The following PDZRN4 variants were observed in gnomAD, a reference collection of about 807,000 sequenced individuals.
PDZRN4 encodes PDZ domain-containing RING finger protein 4.
In PDZRN4, 70 loss-of-function variants were observed where a neutral mutation model predicts 99.0. The ratio of observed to expected loss-of-function variants is 0.71; its 90% CI spans 0.58 to 0.86. The LOEUF is 0.86. PDZRN4 is among the 40% of genes least tolerant of loss of function. The pLI is 0.00. For synonymous variants in PDZRN4, 551 were observed against 501.6 expected (o/e 1.10, Z -1.32); for missense variants, 1,474 against 1,331.2 (o/e 1.11, Z -1.67).
At chr12:41,408,344 T>C (rs1952364630) in intron 3 of PDZRN4, among the ~76,000 whole-genome samples, 1 of 152,220 alleles carries the variant, frequency 6.6e-6, no homozygotes, top group Non-Finnish European at 1.5e-5. Flanking sequence ...GTAAATTGCT[T>C]TCCTTTTAGC....
intron 3 of PDZRN4, among the ~76,000 whole-genome samples, chr12:41,295,436 C>A (rs961419257): frequency 2.0e-5 from 3 of 151,662 alleles, no homozygotes; most frequent in African/African-American, 7.3e-5. Context: ...ATTTTGAAGG[C>A]ATTTTTTTTT....
chr12:41,523,595 T>C (rs1459005320), intron 5 of PDZRN4, among the ~76,000 whole-genome samples: 1 of 152,072 alleles, frequency 6.6e-6, no homozygotes, highest in Admixed American at 6.6e-5. Flanking sequence ...GGCAACAACA[T>C]GGTGCCACTG....
At chr12:41,191,224 A>G (rs1424851073) in intron 1 of PDZRN4, among the ~76,000 whole-genome samples, 1 of 152,174 alleles carries the variant, frequency 6.6e-6, no homozygotes, top group East Asian at 1.9e-4. Flanking sequence ...CCATTTAGTA[A>G]TTTTTGAAAA....
At position 41,509,915 on chromosome 12, in the gene PDZRN4, T is replaced by A. The variant is rs754256207; in HGVS notation, c.1203+2T>A. 1.4e-6 allele frequency: 2 copies of A among 1,413,496 alleles called. No individual in the cohort carries two copies. Among genetic ancestry groups the A allele is most frequent in the Non-Finnish European group, 2.0e-6 (2 of 1,006,796 alleles). The allele number at this position is 1,413,496 out of a possible 1,614,324, so 87.6% of individuals were successfully genotyped here. A position where few individuals can be genotyped will look rare whatever the true frequency, so the allele number is the denominator to read the frequency against. Reference sequence around the variant, plus strand: ...AGAACAGAAGACTTTGAATATGAGGTAAGGTCATTTTCATACCACTTCACA... The same window carrying A: ...AGAACAGAAGACTTTGAATATGAGGAAAGGTCATTTTCATACCACTTCACA... On this transcript the variant is annotated splice_donor_variant, in intron 5 of 9. Coordinates refer to ENST00000402685, the MANE Select transcript of PDZRN4 (RefSeq NM_001164595.2). LOFTEE classifies it high-confidence loss of function.
At chr12:41,460,055 T>C in intron 3 of PDZRN4, 10 of 1,284,940 alleles carry the variant, frequency 7.8e-6, no homozygotes, top group Non-Finnish European at 7.1e-6. Flanking sequence ...TTCATTAAGC[T>C]CCTTGTGAAT....
At chr12:41,543,900 C>T (rs537392392) in intron 5 of PDZRN4, among the ~76,000 whole-genome samples, 2 of 152,166 alleles carry the variant, frequency 1.3e-5, no homozygotes, top group South Asian at 4.2e-4. Context: ...GATCACAAGC[C>T]CAGCCCTGGA....
chr12:41,261,744 C>T (rs1951241637), intron 3 of PDZRN4, among the ~76,000 whole-genome samples: 1 of 152,178 alleles, frequency 6.6e-6, no homozygotes, highest in Admixed American at 6.5e-5. Flanking sequence ...CCTCCTCGGC[C>T]TCCCAAAATG....
chr12:41,550,685 A>G (rs1490739176), intron 5 of PDZRN4, among the ~76,000 whole-genome samples: 1 of 152,194 alleles, frequency 6.6e-6, no homozygotes, highest in Non-Finnish European at 1.5e-5. Context: ...TCAGAAAGTC[A>G]GCATTCTTCA....
At chr12:41,470,457 C>A (rs1952976365) in intron 3 of PDZRN4, among the ~76,000 whole-genome samples, 1 of 151,962 alleles carries the variant, frequency 6.6e-6, no homozygotes, top group East Asian at 1.9e-4. Flanking sequence ...CAGGTTCCTT[C>A]CATCTACCTC....
At chr12:41,382,221 G>T (rs1053094859) in intron 3 of PDZRN4, among the ~76,000 whole-genome samples, 4 of 152,190 alleles carry the variant, frequency 2.6e-5, no homozygotes, top group African/African-American at 9.6e-5. Flanking sequence ...AAGTAGTGCT[G>T]CTGGCTTCTT....
In PDZRN4 at chr12:41,378,520, A is replaced by ATTTTTTTTTTTTTTT. The variant is rs71081733; in HGVS notation, c.844-127931_844-127917dup. Among the ~76,000 whole-genome samples, 271 of 102,776 alleles carry ATTTTTTTTTTTTTTT rather than the reference A, an allele frequency of 2.6e-3. 22 individuals carry two copies. Among genetic ancestry groups the ATTTTTTTTTTTTTTT allele is most frequent in the African/African-American group, 8.9e-3 (239 of 26,706 alleles). 67.4% of individuals were successfully genotyped at this position (102,776 alleles called of 152,430 possible). A position where few individuals can be genotyped will look rare whatever the true frequency, so the allele number is the denominator to read the frequency against. ...TTTGGAAGTGCTCCTTCTGTCTTCA[A>ATTTTTTTTTTTTTTT]TTTTTTTTTTTTTTTTTTTGAGACA... On this transcript the variant is annotated intron_variant, in intron 3 of 9. Coordinates refer to ENST00000402685, the MANE Select transcript of PDZRN4 (RefSeq NM_001164595.2).
At chr12:41,322,487 C>CTTTTT (rs71081724) in intron 3 of PDZRN4, among the ~76,000 whole-genome samples, 4,511 of 90,968 alleles carry the variant, frequency 0.05, 274 homozygotes, top group East Asian at 0.084. Context: ...ATTTTCTTTC[C>CTTTTT]TTTTTTTTTT....
intron 3 of PDZRN4, among the ~76,000 whole-genome samples, chr12:41,383,054 G>T (rs1952138503): frequency 6.6e-6 from 1 of 152,130 alleles, no homozygotes; most frequent in Admixed American, 6.5e-5. Context: ...CCATTTTTAT[G>T]ATATTATGAT....
chr12:41,302,375 C>T (rs1192920941), intron 3 of PDZRN4, among the ~76,000 whole-genome samples: 1 of 152,024 alleles, frequency 6.6e-6, no homozygotes, highest in East Asian at 1.9e-4. Flanking sequence ...GCTTCTTGTG[C>T]ATTTTGTTCA....
At chr12:41,286,003 A>T (rs1951419854) in intron 3 of PDZRN4, among the ~76,000 whole-genome samples, 1 of 152,092 alleles carries the variant, frequency 6.6e-6, no homozygotes, top group South Asian at 2.1e-4. Context: ...AGTATAATTT[A>T]AAAAAGAGAA....
chr12:41,379,432 C>T, intron 3 of PDZRN4, among the ~76,000 whole-genome samples: 2 of 149,480 alleles, frequency 1.3e-5, no homozygotes, highest in Admixed American at 6.7e-5. Context: ...TGTTCTTTTT[C>T]TAGTTTTGTA....
At chr12:41,416,691 G>A (rs767964630) in intron 3 of PDZRN4, among the ~76,000 whole-genome samples, 24 of 152,096 alleles carry the variant, frequency 1.6e-4, no homozygotes, top group Non-Finnish European at 2.4e-4. Context: ...TACTTTTCTC[G>A]ACATTTATTT....
intron 3 of PDZRN4, among the ~76,000 whole-genome samples, chr12:41,460,632 G>A (rs945538814): frequency 2.2e-4 from 33 of 152,266 alleles, no homozygotes; most frequent in South Asian, 6.2e-4. Flanking sequence ...AAGTTGTGAC[G>A]TATTTTGCAA....
intron 3 of PDZRN4, among the ~76,000 whole-genome samples, chr12:41,282,552 A>G (rs1243959097): frequency 2.0e-5 from 3 of 152,196 alleles, no homozygotes; most frequent in Non-Finnish European, 4.4e-5. Flanking sequence ...TCTTCACCCA[A>G]AATCAACAGA....
Sources: gnomAD v4.1 joint callset for allele counts (sites outside exome capture counted in the v4.1 genomes callset) on GRCh38, gnomAD v4.1.1 for gene constraint, MANE v1.5 for transcripts, NCBI Gene and HGNC (gene_info 2026-07-23, HGNC 2026-07-21) for gene names.